Variants in HOXA5 observed in about 807,000 individuals in gnomAD.
The protein encoded by HOXA5 is homeobox protein Hox-A5.
In HOXA5, 12 loss-of-function variants were observed where a neutral mutation model predicts 20.0. The observed-to-expected ratio is 0.60, with a 90% CI of 0.38 to 0.97. HOXA5 has a LOEUF of 0.97. Ranked by LOEUF, HOXA5 falls within the 50% of genes least tolerant of loss-of-function variation. The probability of loss-of-function intolerance (pLI) is 0.00; values close to 1 mark genes in which losing one functional copy is unlikely to be tolerated. For synonymous variants in HOXA5, 159 were observed against 157.7 expected, an observed-to-expected ratio of 1.01 and a Z score of -0.06; for missense variants, 352 against 380.3, an observed-to-expected ratio of 0.93 and a Z score of 0.62.
rs147485948 is a variant in HOXA5 at position 27,141,113 on chromosome 7, C to CAAAAAAAAA, written c.*713_*721dup. ...AGTATTTTTTCCTTAAAAACAAATA[C>CAAAAAAAAA]AAAAAAAAAAAAAAAAAAAAAAAAG... is the stretch of plus-strand genomic sequence containing the variant. On this transcript the variant is annotated 3_prime_UTR_variant, in exon 2 of 2. Coordinates refer to ENST00000222726, the MANE Select transcript of HOXA5 (RefSeq NM_019102.4). The CAAAAAAAAA allele has an allele frequency of 1.1e-4, 9 of 82,916 alleles. No individual in the cohort carries two copies. Among genetic ancestry groups the CAAAAAAAAA allele is most frequent in the Non-Finnish European group, 1.3e-4 (6 of 44,658 alleles). The allele number at this position is 82,916 out of a possible 1,614,324, so 5.1% of individuals were successfully genotyped here. A position where few individuals can be genotyped will look rare whatever the true frequency, so the allele number is the denominator to read the frequency against.
chr7:27,141,536 C>G lies in HOXA5; in HGVS notation c.*299G>C. 1 of 214,444 alleles carries G rather than the reference C, an allele frequency of 4.7e-6. No homozygotes were observed. Among genetic ancestry groups the G allele is most frequent in the Non-Finnish European group, 9.1e-6 (1 of 110,270 alleles). 13.3% of individuals were successfully genotyped at this position (214,444 alleles called of 1,614,324 possible). Reference sequence around the variant, plus strand: ...GGGGACTTTTTGTGTGTTTTTTTTTCTCTTTTCTTTTTTTGTTATAGTTAC... The same window carrying G: ...GGGGACTTTTTGTGTGTTTTTTTTTGTCTTTTCTTTTTTTGTTATAGTTAC... On this transcript the variant is annotated 3_prime_UTR_variant, in exon 2 of 2. Transcript: ENST00000222726.
chr7:27,141,816 A>G lies in HOXA5; in HGVS notation c.*19T>C. ...GCGGGATCCGCTAATACTGCTCAGT[A>G]CTTTAAACGCTCAGATACTCAGGGA... On this transcript the variant is annotated 3_prime_UTR_variant, in exon 2 of 2. Coordinates refer to ENST00000222726, the MANE Select transcript of HOXA5 (RefSeq NM_019102.4). 2 of 1,612,676 alleles carry G rather than the reference A, an allele frequency of 1.2e-6. No individual in the cohort carries two copies. Among genetic ancestry groups the G allele is most frequent in the Non-Finnish European group, 1.7e-6 (2 of 1,179,604 alleles).
rs768853015 is a variant in HOXA5 at position 27,143,125 on chromosome 7, A to G, written c.483T>C (p.Ser161=). 4.4e-6 allele frequency: 7 copies of G among 1,604,380 alleles called. No individual in the cohort carries two copies. The highest frequency in any genetic ancestry group is 1.8e-4 in the Middle Eastern group (1 of 5,482). Residue 161 remains serine (S), a synonymous_variant, in exon 1 of 2, where the codon AGT becomes AGC. Coordinates refer to ENST00000222726, the MANE Select transcript of HOXA5 (RefSeq NM_019102.4). The part of the protein sequence containing the change: ...EDAPASSEQA[S]AQSEPSPAPP... ...GCGCCGGGCTCGGCTCGCTCTGCGC[A>G]CTCGCCTGCTCGCTGCTGGCAGGGG...
chr7:27,142,216 C>T, intron 1 of HOXA5, 131 bp from the exon 2 acceptor site: 1 of 912,578 alleles, frequency 1.1e-6, no homozygotes, highest in South Asian at 1.7e-5. Context: ...GCCCGCACAC[C>T]CCTCCCGAAT....
chr7:27,142,178 C>G, intron 1 of HOXA5, 93 bp from the exon 2 acceptor site: 2 of 1,418,830 alleles, frequency 1.4e-6, no homozygotes, highest in Non-Finnish European at 1.9e-6. Context: ...GGAACCCAGG[C>G]GAAAAGCTCA....
Position 27,141,717 on chromosome 7 carries a change from G to A in HOXA5, c.*118C>T, listed in dbSNP as rs936714820. The A allele has an allele frequency of 3.1e-6, 4 of 1,285,384 alleles. No homozygotes were observed. Among genetic ancestry groups the A allele is most frequent in the African/African-American group, 1.5e-5 (1 of 67,046 alleles). 79.6% of individuals were successfully genotyped at this position (1,285,384 alleles called of 1,614,324 possible). On this transcript the variant is annotated 3_prime_UTR_variant, in exon 2 of 2. Coordinates refer to ENST00000222726, the MANE Select transcript of HOXA5 (RefSeq NM_019102.4). ...GGCTCATGATTAAAAGATGAATTAGGGCAACGAGAACAGGGCTTCTTCACA... is the reference window on the plus strand; with the variant it reads ...GGCTCATGATTAAAAGATGAATTAGAGCAACGAGAACAGGGCTTCTTCACA...
rs767938696 is a variant in HOXA5, at chr7:27,143,173, C to T, written c.435G>A (p.Thr145=). ...THISSREGVG[T]ASGAEEDAPA... Reference sequence around the variant, plus strand: ...GGGCGTCCTCCTCGGCTCCGGACGCCGTGCCAACCCCCTCTCTGCTGCTGA... The same window carrying T: ...GGGCGTCCTCCTCGGCTCCGGACGCTGTGCCAACCCCCTCTCTGCTGCTGA... The change falls in exon 1 of 2, where the codon ACG becomes ACA. Residue 145 remains threonine (T), a synonymous_variant. Transcript: ENST00000222726. 6.2e-7 allele frequency: 1 copy of T among 1,610,540 alleles called. No individual in the cohort carries two copies. Among genetic ancestry groups the T allele is most frequent in the East Asian group, 2.2e-5 (1 of 44,828 alleles).
chr7:27,142,246 T>TA (rs779927009), intron 1 of HOXA5, among the ~76,000 whole-genome samples, 161 bp from the exon 2 acceptor site: 3 of 152,208 alleles, frequency 2.0e-5, no homozygotes, highest in Non-Finnish European at 4.4e-5. Flanking sequence ...TCTTCCTTTC[T>TA]AGAAAGAAAA....
chr7:27,141,636 A>G lies in HOXA5; in HGVS notation c.*199T>C. 3.5e-6 allele frequency: 2 copies of G among 564,922 alleles called. No individual in the cohort carries two copies. The highest frequency in any genetic ancestry group is 3.0e-6 in the Non-Finnish European group (1 of 337,680). The allele number at this position is 564,922 out of a possible 1,614,324, so 35.0% of individuals were successfully genotyped here. On this transcript the variant is annotated 3_prime_UTR_variant, in exon 2 of 2. Coordinates refer to ENST00000222726, the MANE Select transcript of HOXA5 (RefSeq NM_019102.4). Reference sequence around the variant, plus strand: ...TTTTCAAGACAAAGCCATTCAGGACAAAGAGATGAACAGAAAGCAGATCTA... The same window carrying G: ...TTTTCAAGACAAAGCCATTCAGGACGAAGAGATGAACAGAAAGCAGATCTA...
rs1409395535 is a variant in HOXA5 at position 27,141,107 on chromosome 7, CAAATACAAAA to C, written c.*718_*727del. 2.7e-4 allele frequency: 2 copies of C among 7,416 alleles called. No homozygotes were observed. Among genetic ancestry groups the C allele is most frequent in the Non-Finnish European group, 5.6e-4 (2 of 3,602 alleles). 0.5% of individuals were successfully genotyped at this position (7,416 alleles called of 1,614,324 possible). ...CCAGTCAGTATTTTTTCCTTAAAAA[CAAATACAAAA>C]AAAAAAAAAAAAAAAAAAAAGCTGA... is the stretch of plus-strand genomic sequence containing the variant. On this transcript the variant is annotated 3_prime_UTR_variant, in exon 2 of 2. Coordinates refer to ENST00000222726, the MANE Select transcript of HOXA5 (RefSeq NM_019102.4).
In HOXA5 at chr7:27,143,065, G is replaced by A. The variant is rs373032286; in HGVS notation, c.543C>T (p.Arg181=). The A allele has an allele frequency of 6.5e-7, 1 of 1,533,082 alleles. No homozygotes were observed. The highest frequency in any genetic ancestry group is 8.7e-7 in the Non-Finnish European group (1 of 1,146,366). The allele number at this position is 1,533,082 out of a possible 1,614,324, so 95.0% of individuals were successfully genotyped here. The change falls in exon 1 of 2, where the codon CGC becomes CGT. Residue 181 remains arginine (R), a synonymous_variant. Transcript: ENST00000222726. ...CTTTACCATGACTTATGTGCAGCTT[G>A]CGCATCCAGGGGTAGATCTGGGGTT... The part of the protein sequence containing the change: ...PAQPQIYPWM[R]KLHISHDNIG...
At chr7:27,142,155 G>C in intron 1 of HOXA5, 70 bp from the exon 2 acceptor site, 1 of 1,546,884 alleles carries the variant, frequency 6.5e-7, no homozygotes, top group Admixed American at 1.9e-5. Context: ...GGACAAGCTT[G>C]GGTCATGAGC....
Position 27,142,171 on chromosome 7 carries a change from A to G in HOXA5, c.563-86T>C. On this transcript the variant is annotated intron_variant, in intron 1 of 1. Coordinates refer to ENST00000222726, the MANE Select transcript of HOXA5 (RefSeq NM_019102.4). ...GACAAGCTTGGGTCATGAGCAGGGA[A>G]CCCAGGCGAAAAGCTCAACAAGTTC... 2.1e-6 allele frequency: 3 copies of G among 1,463,162 alleles called. No individual in the cohort carries two copies. In the South Asian group the frequency reaches 4.0e-5, roughly 19 times the overall value. The allele number at this position is 1,463,162 out of a possible 1,614,324, so 90.6% of individuals were successfully genotyped here.
Position 27,143,040 on chromosome 7 carries a change from C to T in HOXA5, c.562+6G>A. On this transcript the variant is annotated splice_donor_region_variant and intron_variant, in intron 1 of 1. Coordinates refer to ENST00000222726, the MANE Select transcript of HOXA5 (RefSeq NM_019102.4). ...TCGCGTGGATTTAGAAAAAGGCTGG[C>T]TTTACCATGACTTATGTGCAGCTTG... The T allele has an allele frequency of 6.6e-7, 1 of 1,504,142 alleles. No homozygotes were observed. Among genetic ancestry groups the T allele is most frequent in the Non-Finnish European group, 8.8e-7 (1 of 1,131,056 alleles). The allele number at this position is 1,504,142 out of a possible 1,614,324, so 93.2% of individuals were successfully genotyped here. A position where few individuals can be genotyped will look rare whatever the true frequency, so the allele number is the denominator to read the frequency against.
Position 27,141,722 on chromosome 7 carries a change from C to T in HOXA5, c.*113G>A, listed in dbSNP as rs1054773560. The T allele has an allele frequency of 6.2e-5, 85 of 1,363,464 alleles. No individual in the cohort carries two copies. Among genetic ancestry groups the T allele is most frequent in the East Asian group, 1.6e-4 (7 of 43,302 alleles). The allele number at this position is 1,363,464 out of a possible 1,614,324, so 84.5% of individuals were successfully genotyped here. ...ATGATTAAAAGATGAATTAGGGCAACGAGAACAGGGCTTCTTCACAGAAGG... is the reference window on the plus strand; with the variant it reads ...ATGATTAAAAGATGAATTAGGGCAATGAGAACAGGGCTTCTTCACAGAAGG... On this transcript the variant is annotated 3_prime_UTR_variant, in exon 2 of 2. Transcript: ENST00000222726.
rs753764128 is a variant in HOXA5 at position 27,143,641 on chromosome 7, C to T, written c.-34G>A. ...TGATATGTGTGCTTGATTTGTGGCT[C>T]GCGGTCGTTTGTGCGTCTATAGCAC... On this transcript the variant is annotated 5_prime_UTR_variant, in exon 1 of 2. Coordinates refer to ENST00000222726, the MANE Select transcript of HOXA5 (RefSeq NM_019102.4). 9.0e-6 allele frequency: 14 copies of T among 1,556,770 alleles called. No homozygotes were observed. Among genetic ancestry groups the T allele is most frequent in the South Asian group, 6.1e-5 (5 of 81,664 alleles).
chr7:27,143,497 C>G lies in HOXA5; in HGVS notation c.111G>C (p.Ser37=), dbSNP rs753304687. ...HSSVSEQFRD[S]ASMHSGRYGY... ...CGTACCTGCCGGAGTGCATGCTCGCCGAGTCCCTGAATTGCTCGCTCACGG... is the reference window on the plus strand; with the variant it reads ...CGTACCTGCCGGAGTGCATGCTCGCGGAGTCCCTGAATTGCTCGCTCACGG... The change falls in exon 1 of 2, where the codon TCG becomes TCC. Residue 37 remains serine (S), a synonymous_variant. Coordinates refer to ENST00000222726, the MANE Select transcript of HOXA5 (RefSeq NM_019102.4). The G allele has an allele frequency of 2.3e-5, 37 of 1,613,700 alleles. 1 individual carries two copies. The highest frequency in any genetic ancestry group is 8.5e-7 in the Non-Finnish European group (1 of 1,179,926).
intron 1 of HOXA5, chr7:27,142,789 G>A (rs1442498571): frequency 3.8e-5 from 17 of 447,604 alleles, no homozygotes; most frequent in Non-Finnish European, 7.8e-6. Flanking sequence ...GGTTCCAGAG[G>A]GGTTTTTTGC....
At position 27,143,542 on chromosome 7, in the gene HOXA5, A is replaced by G. The variant is rs1583408223; in HGVS notation, c.66T>C (p.His22=). Residue 22 remains histidine (H), a synonymous_variant, in exon 1 of 2, where the codon CAT becomes CAC. Transcript: ENST00000222726. ...RYPNGPDYQL[H]NYGDHSSVSE... is the part of the protein sequence containing the mutation. The stretch of plus-strand genomic sequence containing the variant: ...TCACGGAACTATGATCTCCATAATT[A>G]TGCAACTGGTAGTCCGGGCCATTTG... 3.1e-6 allele frequency: 5 copies of G among 1,612,954 alleles called. No homozygotes were observed. The highest frequency in any genetic ancestry group is 1.6e-4 in the Middle Eastern group (1 of 6,062).
Sources: allele counts gnomAD v4.1 joint callset (sites outside exome capture counted in the v4.1 genomes callset), GRCh38; gene constraint gnomAD v4.1.1; transcripts MANE v1.5; gene names NCBI Gene and HGNC (gene_info 2026-07-23, HGNC 2026-07-21).